Variants in ABCD3 observed in about 807,000 individuals in gnomAD.
ABCD3 encodes ATP binding cassette subfamily D member 3, also known as ATP-binding cassette sub-family D member 3.
Under a neutral mutation model 105.5 loss-of-function variants are expected in ABCD3, and 41 were observed. That is an observed-to-expected ratio of 0.39 (90% CI 0.30 to 0.50). ABCD3 has a LOEUF of 0.50. Among genes scored for constraint, ABCD3 ranks in the 20% least tolerant of loss-of-function variants. The pLI is 0.84. For synonymous variants in ABCD3, 258 were observed against 269.0 expected, an observed-to-expected ratio of 0.96 and a Z score of 0.40; for missense variants, 622 against 806.3, an observed-to-expected ratio of 0.77 and a Z score of 2.77.
At chr1:94,462,904 C>T (rs1251301439) in intron 2 of ABCD3, among the ~76,000 whole-genome samples, 3 of 152,116 alleles carry the variant, frequency 2.0e-5, no homozygotes, top group African/African-American at 7.2e-5. Context: ...TAATATGTAT[C>T]ACCTTTTCTT....
the ABCD3 span, among the ~76,000 whole-genome samples, chr1:94,399,247 T>C: frequency 1.3e-5 from 2 of 152,156 alleles, no homozygotes; most frequent in Non-Finnish European, 2.9e-5. Context: ...GTCAACTTGT[T>C]CAAAAGTGTT....
intron 1 of ABCD3, among the ~76,000 whole-genome samples, chr1:94,432,148 G>A (rs548314429): frequency 2.2e-4 from 34 of 152,286 alleles, no homozygotes; most frequent in African/African-American, 7.5e-4. Flanking sequence ...TCTGTTGAGC[G>A]CTATATGTCA....
the ABCD3 span, among the ~76,000 whole-genome samples, chr1:94,393,016 G>A: frequency 1.2e-4 from 19 of 152,116 alleles, no homozygotes; most frequent in Admixed American, 9.2e-4. Context: ...GGAGGCTGAG[G>A]CAGGAGAATC....
rs118133359 is a variant in ABCD3 at position 94,499,417 on chromosome 1, C to A, written c.1621-78C>A. 6.3e-5 allele frequency: 89 copies of A among 1,401,984 alleles called. No individual in the cohort carries two copies. The East Asian group carries it at 2.0e-3, about 32-fold the overall frequency. 86.8% of individuals were successfully genotyped at this position (1,401,984 alleles called of 1,614,324 possible). ...ACAGACAATAGAATTATAGTGATTC[C>A]AGTTTAAAAAATAAACCACTATTAA... On this transcript the variant is annotated intron_variant, in intron 19 of 22. Coordinates refer to ENST00000370214, the MANE Select transcript of ABCD3 (RefSeq NM_002858.4).
intron 13 of ABCD3, among the ~76,000 whole-genome samples, chr1:94,489,282 G>A (rs988025184): frequency 1.3e-5 from 2 of 152,032 alleles, no homozygotes; most frequent in African/African-American, 4.8e-5. Flanking sequence ...TTGCAGGAAG[G>A]CAGCATGCAT....
At position 94,480,598 on chromosome 1, in the gene ABCD3, C is replaced by T; in HGVS notation, c.819C>T (p.Ile273=). 6.2e-7 allele frequency: 1 copy of T among 1,613,656 alleles called. No individual in the cohort carries two copies. The highest frequency in any genetic ancestry group is 8.5e-7 in the Non-Finnish European group (1 of 1,179,720). Residue 273 remains isoleucine (I), a synonymous_variant, in exon 9 of 23, where the codon ATC becomes ATT. Transcript: ENST00000370214. The stretch of plus-strand genomic sequence containing the variant: ...ATAGATATGTTAATTCTCGGCTCAT[C>T]ACAAACAGGTAAAGACAAATGCATT... ...GEYRYVNSRL[I]TNSEEIAFYN...
intron 3 of ABCD3, among the ~76,000 whole-genome samples, chr1:94,467,199 T>A (rs1191668677): frequency 6.6e-6 from 1 of 152,196 alleles, no homozygotes; most frequent in Non-Finnish European, 1.5e-5. Flanking sequence ...ATGATTTTAA[T>A]CCCTTTTTTC....
At chr1:94,399,830 T>A in the ABCD3 span, among the ~76,000 whole-genome samples, 63 of 152,298 alleles carry the variant, frequency 4.1e-4, no homozygotes, top group East Asian at 0.012. Context: ...CAGATAATAT[T>A]TACTTTCTAC....
chr1:94,460,775 T>C (rs1647831071), intron 2 of ABCD3, among the ~76,000 whole-genome samples: 1 of 152,080 alleles, frequency 6.6e-6, no homozygotes, highest in African/African-American at 2.4e-5. Flanking sequence ...TCTGTAATAT[T>C]TCCTTCCTAG....
intron 1 of ABCD3, among the ~76,000 whole-genome samples, chr1:94,438,282 T>TCACACACACA (rs143373197): frequency 5.6e-4 from 65 of 116,442 alleles, no homozygotes; most frequent in East Asian, 8.4e-4. Flanking sequence ...CAAGACTCCA[T>TCACACACACA]CACACACACA....
chr1:94,453,032 G>C (rs552638697), intron 1 of ABCD3, among the ~76,000 whole-genome samples: 5 of 152,256 alleles, frequency 3.3e-5, no homozygotes, highest in African/African-American at 1.2e-4. Flanking sequence ...GCCTTCCAAA[G>C]TGCTCGGCCT....
At chr1:94,478,783 T>G (rs991742286) in intron 8 of ABCD3, 2 of 658,258 alleles carry the variant, frequency 3.0e-6, no homozygotes, top group African/African-American at 3.8e-5. Context: ...ACATCCATTT[T>G]AATATGAAAT....
intron 1 of ABCD3, among the ~76,000 whole-genome samples, chr1:94,422,661 T>C (rs1659303979): frequency 6.6e-6 from 1 of 152,188 alleles, no homozygotes; most frequent in Non-Finnish European, 1.5e-5. Flanking sequence ...ACAGTGTTTA[T>C]AGAGAGGATA....
chr1:94,484,116 C>T (rs918757531), intron 10 of ABCD3, among the ~76,000 whole-genome samples: 1 of 152,088 alleles, frequency 6.6e-6, no homozygotes, highest in African/African-American at 2.4e-5. Context: ...GTTAGAATGG[C>T]GATCATTGAA....
rs662813 is a variant in ABCD3 at position 94,517,229 on chromosome 1, A to T, written c.*100A>T. 0.27 allele frequency: 196,889 copies of T among 739,320 alleles called. 21,934 individuals are homozygous for T. The highest frequency in any genetic ancestry group is 0.45 in the East Asian group (15,962 of 35,186). 45.8% of individuals were successfully genotyped at this position (739,320 alleles called of 1,614,324 possible). On this transcript the variant is annotated 3_prime_UTR_variant, in exon 23 of 23. Coordinates refer to ENST00000370214, the MANE Select transcript of ABCD3 (RefSeq NM_002858.4). ...AATAAAGTTGAGCTTAGTTTTTTTT[A>T]AAAAAAAAAACAAAGCAACAAATTA...
chr1:94,484,745 C>T (rs915762602), intron 10 of ABCD3, among the ~76,000 whole-genome samples: 1 of 152,072 alleles, frequency 6.6e-6, no homozygotes, highest in Non-Finnish European at 1.5e-5. Context: ...TGTAACAAAC[C>T]TGCACGTTGT....
At chr1:94,388,625 A>G in the ABCD3 span, among the ~76,000 whole-genome samples, 1 of 152,206 alleles carries the variant, frequency 6.6e-6, no homozygotes, top group Non-Finnish European at 1.5e-5. Flanking sequence ...TGATAAAGTT[A>G]TCTAAGAATA....
At chr1:94,438,464 A>G (rs1344070215) in intron 1 of ABCD3, among the ~76,000 whole-genome samples, 2 of 152,210 alleles carry the variant, frequency 1.3e-5, no homozygotes, top group Admixed American at 6.5e-5. Flanking sequence ...AGGATTTACA[A>G]TATTACATAA....
chr1:94,448,886 G>T (rs879297212), intron 1 of ABCD3, among the ~76,000 whole-genome samples: 8 of 152,190 alleles, frequency 5.3e-5, no homozygotes, highest in African/African-American at 1.7e-4. Context: ...AGCAGAGGGG[G>T]ATAAACAGGG....
Sources: allele counts gnomAD v4.1 joint callset (sites outside exome capture counted in the v4.1 genomes callset), GRCh38; gene constraint gnomAD v4.1.1; transcripts MANE v1.5; gene names NCBI Gene and HGNC (gene_info 2026-07-23, HGNC 2026-07-21).